The following ABCA3 variants were observed in gnomAD, a reference collection of about 807,000 sequenced individuals.
ABCA3 encodes the protein ATP binding cassette subfamily A member 3.
In ABCA3, 88 loss-of-function variants were observed where a neutral mutation model predicts 172.8. The ratio of observed to expected loss-of-function variants is 0.51; its 90% CI spans 0.43 to 0.61. The LOEUF is 0.61. Ranked by LOEUF, ABCA3 falls within the 20% of genes least tolerant of loss-of-function variation. The pLI is 0.00. For missense variants in ABCA3, 2,164 were observed against 2,301.0 expected, an observed-to-expected ratio of 0.94 and a Z score of 1.22; for synonymous variants, 1,066 against 983.8, an observed-to-expected ratio of 1.08 and a Z score of -1.56.
intron 12 of ABCA3, among the ~76,000 whole-genome samples, chr16:2,302,171 T>C (rs1399025407): frequency 6.6e-6 from 1 of 152,216 alleles, no homozygotes; most frequent in Non-Finnish European, 1.5e-5. Context: ...AAATCTCTGT[T>C]CGGGGCTCTC....
intron 12 of ABCA3, among the ~76,000 whole-genome samples, chr16:2,301,028 A>T (rs1304271498): frequency 6.6e-6 from 1 of 151,470 alleles, no homozygotes; most frequent in Non-Finnish European, 1.5e-5. Context: ...CAGGAGATCG[A>T]GACCATCCTG....
At position 2,300,081 on chromosome 16, in the gene ABCA3, T is replaced by C. The variant is rs1188243264; in HGVS notation, c.1535A>G (p.Lys512Arg). 6.2e-7 allele frequency: 1 copy of C among 1,613,410 alleles called. No homozygotes were observed. Among genetic ancestry groups the C allele is most frequent in the African/African-American group, 1.3e-5 (1 of 74,796 alleles). The change falls in exon 13 of 33, where the codon AAA (lysine) becomes AGA (arginine). Residue 512 changes from lysine (K) to arginine (R), a missense_variant. Transcript: ENST00000301732. ...GKEEEDSDPEKALRNEYFEAE... is the reference protein window; with the variant it reads ...GKEEEDSDPERALRNEYFEAE... ...TTCAAAGTACTCGTTTCTGAGTGCT[T>C]TCTCGGGGTCACTGTCTTCTTCCTC...
At chr16:2,311,066 T>C (rs1422650837) in intron 10 of ABCA3, among the ~76,000 whole-genome samples, 2 of 151,756 alleles carry the variant, frequency 1.3e-5, no homozygotes, top group Non-Finnish European at 2.9e-5. Flanking sequence ...GTCTACCTCC[T>C]GGGTTCAAGC....
chr16:2,320,512 C>T (rs2093724420), intron 7 of ABCA3, among the ~76,000 whole-genome samples: 1 of 151,854 alleles, frequency 6.6e-6, no homozygotes, highest in Non-Finnish European at 1.5e-5. Context: ...GCCTCAGCCT[C>T]CCGAATAGCT....
At position 2,324,395 on chromosome 16, in the gene ABCA3, A is replaced by T; in HGVS notation, c.447+9T>A. 1.3e-6 allele frequency: 2 copies of T among 1,589,800 alleles called. No homozygotes were observed. The highest frequency in any genetic ancestry group is 1.7e-6 in the Non-Finnish European group (2 of 1,173,696). On this transcript the variant is annotated intron_variant, in intron 6 of 32. Coordinates refer to ENST00000301732, the MANE Select transcript of ABCA3 (RefSeq NM_001089.3). ...GGCTGTGACTGCTCGGCCCGGCCGC[A>T]CGTCTCACCGCCAGCGGCAGGGGCT...
chr16:2,340,535 G>A (rs1384044358), intron 1 of ABCA3, 38 bp downstream of exon 1: 1 of 149,636 alleles, frequency 6.7e-6, no homozygotes, highest in Non-Finnish European at 1.5e-5. Flanking sequence ...CAAGCCCCGG[G>A]AACGAGCGCG....
At chr16:2,301,986 T>C (rs2093690228) in intron 12 of ABCA3, among the ~76,000 whole-genome samples, 1 of 152,272 alleles carries the variant, frequency 6.6e-6, no homozygotes, top group South Asian at 2.1e-4. Flanking sequence ...GGAAAACCGC[T>C]TAAAGGCATT....
chr16:2,306,339 TAAAA>T (rs752529620), intron 11 of ABCA3, among the ~76,000 whole-genome samples: 1 of 151,972 alleles, frequency 6.6e-6, no homozygotes, highest in Non-Finnish European at 1.5e-5. Flanking sequence ...AAAAAATTGT[TAAAA>T]AGAAAGCAAA....
intron 3 of ABCA3, among the ~76,000 whole-genome samples, chr16:2,327,713 T>C (rs1052088673): frequency 1.2e-4 from 18 of 152,324 alleles, no homozygotes; most frequent in Admixed American, 1.2e-3. Context: ...CTAGCCATTT[T>C]CTTTTTCTTT....
Position 2,324,329 on chromosome 16 carries a change from T to C in ABCA3, c.447+75A>G, listed in dbSNP as rs557084735. On this transcript the variant is annotated intron_variant, in intron 6 of 32. Coordinates refer to ENST00000301732, the MANE Select transcript of ABCA3 (RefSeq NM_001089.3). ...AAGGGAAAGCAGTGCCTTTTACAGGTTGAACTAGTGACGCGGGAGGAAGCG... is the reference window on the plus strand; with the variant it reads ...AAGGGAAAGCAGTGCCTTTTACAGGCTGAACTAGTGACGCGGGAGGAAGCG... The C allele has an allele frequency of 3.2e-4, 496 of 1,528,984 alleles. 2 individuals are homozygous for C. Among genetic ancestry groups the C allele is most frequent in the Admixed American group, 2.7e-3 (135 of 50,894 alleles). The allele number at this position is 1,528,984 out of a possible 1,614,324, so 94.7% of individuals were successfully genotyped here.
intron 10 of ABCA3, among the ~76,000 whole-genome samples, chr16:2,312,188 A>G (rs1396316069): frequency 6.6e-6 from 1 of 152,222 alleles, no homozygotes; most frequent in Non-Finnish European, 1.5e-5. Flanking sequence ...CTTGAACTGC[A>G]GTATTGATGT....
chr16:2,329,362 C>T (rs1007014503), intron 2 of ABCA3, among the ~76,000 whole-genome samples: 1 of 152,166 alleles, frequency 6.6e-6, no homozygotes, highest in Non-Finnish European at 1.5e-5. Flanking sequence ...GAGGCCGGTG[C>T]CTCCATTTGG....
Position 2,308,595 on chromosome 16 carries a change from G to T in ABCA3, c.1140C>A (p.Phe380Leu). 1 of 1,614,136 alleles carries T rather than the reference G, an allele frequency of 6.2e-7. No homozygotes were observed. The highest frequency in any genetic ancestry group is 1.1e-5 in the South Asian group (1 of 91,080). Residue 380 changes from phenylalanine to leucine, a missense_variant, in exon 11 of 33, where the codon TTC becomes TTA. Phe to Leu is a conservative substitution (Grantham distance 22). Transcript: ENST00000301732. ...KANMAAAFGGFLYFFTYIPYF... is the reference protein window; with the variant it reads ...KANMAAAFGGLLYFFTYIPYF... ...AGGGGATGTAGGTGAAGAAGTAGAG[G>T]AAGCCTCCGAAGGCTGCTGCCATGT...
chr16:2,318,974 T>A (rs1186619736), intron 8 of ABCA3, among the ~76,000 whole-genome samples: 3 of 151,766 alleles, frequency 2.0e-5, no homozygotes, highest in African/African-American at 7.3e-5. Context: ...TTTTTCAGGA[T>A]CATTTTATAG....
chr16:2,303,842 A>C, intron 12 of ABCA3, 127 bp downstream of exon 12: 3 of 1,062,400 alleles, frequency 2.8e-6, no homozygotes, highest in Admixed American at 4.0e-5. Context: ...TGCACAGGGC[A>C]GGGTTCTGTG....
intron 17 of ABCA3, 140 bp from the exon 18 acceptor site, chr16:2,295,880 T>A: frequency 8.6e-7 from 1 of 1,159,328 alleles, no homozygotes; most frequent in South Asian, 1.3e-5. Context: ...TGAAGCAGAA[T>A]GAATGTGTCT....
At chr16:2,337,329 C>T (rs566097967) in intron 1 of ABCA3, among the ~76,000 whole-genome samples, 3 of 151,096 alleles carry the variant, frequency 2.0e-5, no homozygotes, top group Non-Finnish European at 4.4e-5. Context: ...TGTTTACATT[C>T]ATTCTTTTAC....
chr16:2,281,173 C>A lies in ABCA3; in HGVS notation c.4213G>T (p.Ala1405Ser), dbSNP rs144301862. ...CCGAAGCACTCCCCTTTCTGCACCG[C>A]GAGGGAGAGCCTGTCCACGGCCAGG... ...PLLAVDRLSL[A>S]VQKGECFGLL... Residue 1405 changes from alanine to serine, a missense_variant, in exon 28 of 33, where the codon GCG becomes TCG. This residue lies in a region of ABCA3 where 795 missense variants were observed against 881.9 expected (regional missense o/e 0.90). Coordinates refer to ENST00000301732, the MANE Select transcript of ABCA3 (RefSeq NM_001089.3). This position sits in a 1 kb window ranked among gnomAD's most constrained non-coding sequence, Gnocchi z 4.7. The A allele has an allele frequency of 4.3e-6, 7 of 1,613,698 alleles. No homozygotes were observed. In the South Asian group the frequency reaches 7.7e-5, roughly 18 times the overall value.
chr16:2,327,984 G>C (rs1479882360), intron 3 of ABCA3, among the ~76,000 whole-genome samples: 1 of 152,170 alleles, frequency 6.6e-6, no homozygotes, highest in Non-Finnish European at 1.5e-5. Context: ...GCCTCCCAAA[G>C]TGCTGGGATT....
Sources: allele counts gnomAD v4.1 joint callset (sites outside exome capture counted in the v4.1 genomes callset), GRCh38; gene constraint gnomAD v4.1.1; regional missense constraint gnomAD v4.1.1; non-coding constraint Gnocchi (gnomAD v3.1); transcripts MANE v1.5; gene names NCBI Gene and HGNC (gene_info 2026-07-23, HGNC 2026-07-21).